Variants in KDM3B observed in about 807,000 individuals in gnomAD.
The protein encoded by KDM3B is lysine demethylase 3B.
In KDM3B, 10 loss-of-function variants were observed where a neutral mutation model predicts 170.0. The ratio of observed to expected loss-of-function variants is 0.06; its 90% CI spans 0.04 to 0.10. The LOEUF (loss-of-function observed/expected upper bound fraction) is 0.10. KDM3B is among the 10% of genes least tolerant of loss of function. The pLI is 1.00. For synonymous variants in KDM3B, 831 were observed against 834.8 expected (o/e 1.00, Z 0.08); for missense variants, 1,394 against 2,195.2 (o/e 0.64, Z 7.29).
At chr5:138,423,980 C>T in intron 15 of KDM3B, 95 bp from the exon 16 acceptor site, 1 of 1,280,780 alleles carries the variant, frequency 7.8e-7, no homozygotes, top group Non-Finnish European at 1.1e-6. Flanking sequence ...TCAGACAGGT[C>T]AGAACTCCTT....
At chr5:138,360,499 A>T (rs1211859139) in intron 1 of KDM3B, among the ~76,000 whole-genome samples, 1 of 147,148 alleles carries the variant, frequency 6.8e-6, no homozygotes, top group Non-Finnish European at 1.5e-5. Flanking sequence ...AGCACTTTGT[A>T]TAGTTGATTT....
chr5:138,375,365 TTTTATTTTA>T (rs1483756955), intron 3 of KDM3B, among the ~76,000 whole-genome samples, 159 bp downstream of exon 3: 1 of 151,822 alleles, frequency 6.6e-6, no homozygotes, highest in Admixed American at 6.6e-5. Flanking sequence ...TTTTATTTTA[TTTTATTTTA>T]TTTATTTATT....
intron 1 of KDM3B, among the ~76,000 whole-genome samples, chr5:138,364,683 G>A (rs998712523): frequency 6.6e-6 from 1 of 151,962 alleles, no homozygotes; most frequent in African/African-American, 2.4e-5. Flanking sequence ...CGCATTTAAA[G>A]TCTTTATTTC....
At chr5:138,365,178 C>T (rs555019178) in intron 1 of KDM3B, among the ~76,000 whole-genome samples, 29 of 152,176 alleles carry the variant, frequency 1.9e-4, no homozygotes, top group African/African-American at 7.0e-4. Context: ...TTTCCTTTAC[C>T]ATCTCACAAT....
Position 138,392,040 on chromosome 5 carries a change from G to T in KDM3B, c.2408G>T (p.Ser803Ile), listed in dbSNP as rs759464846. Residue 803 changes from serine (S) to isoleucine (I), a missense_variant, in exon 8 of 24, where the codon AGC (serine) becomes ATC (isoleucine). This residue lies in a region of KDM3B where 84 missense variants were observed against 135.8 expected (regional missense o/e 0.62). Coordinates refer to ENST00000314358, the MANE Select transcript of KDM3B (RefSeq NM_016604.4). ...AVKRFSLDER[S>I]LACRQDSDSS... ...AAAAGGTTCTCACTGGATGAACGAAGCTTGGCTTGCAGACAAGACTCGGAC... is the reference window on the plus strand; with the variant it reads ...AAAAGGTTCTCACTGGATGAACGAATCTTGGCTTGCAGACAAGACTCGGAC... The T allele has an allele frequency of 6.2e-7, 1 of 1,614,084 alleles. No individual in the cohort carries two copies. Among genetic ancestry groups the T allele is most frequent in the Non-Finnish European group, 8.5e-7 (1 of 1,179,896 alleles).
At chr5:138,357,745 G>A (rs990798110) in intron 1 of KDM3B, among the ~76,000 whole-genome samples, 4 of 151,420 alleles carry the variant, frequency 2.6e-5, no homozygotes, top group Non-Finnish European at 5.9e-5. Context: ...TTTTTGAGAC[G>A]GAGTCTCACT....
intron 1 of KDM3B, among the ~76,000 whole-genome samples, chr5:138,354,014 A>C (rs1761393869): frequency 6.6e-6 from 1 of 152,174 alleles, no homozygotes; most frequent in Admixed American, 6.5e-5. Context: ...AGCAAGCAGA[A>C]AGTAAATTTT....
At chr5:138,398,969 A>G (rs1252986195) in intron 10 of KDM3B, among the ~76,000 whole-genome samples, 1 of 148,592 alleles carries the variant, frequency 6.7e-6, no homozygotes, top group African/African-American at 2.5e-5. Context: ...GCTCACTGCA[A>G]CCTCCACCTC....
intron 1 of KDM3B, among the ~76,000 whole-genome samples, chr5:138,371,954 C>G (rs1325897452): frequency 6.6e-6 from 1 of 152,130 alleles, no homozygotes; most frequent in Non-Finnish European, 1.5e-5. Flanking sequence ...AACTGCGTCT[C>G]TACAAAAAAT....
chr5:138,424,009 C>A, intron 15 of KDM3B, 66 bp from the exon 16 acceptor site: 9 of 1,456,936 alleles, frequency 6.2e-6, no homozygotes, highest in Non-Finnish European at 7.3e-6. Context: ...AATTGTGAGA[C>A]AGTTTTTTGA....
At chr5:138,389,915 A>C (rs571268721) in intron 7 of KDM3B, among the ~76,000 whole-genome samples, 5 of 151,818 alleles carry the variant, frequency 3.3e-5, no homozygotes, top group Admixed American at 6.6e-5. Context: ...GCTGGAGTGC[A>C]GTGGCACGAT....
At chr5:138,401,259 A>C (rs1385471883) in intron 11 of KDM3B, among the ~76,000 whole-genome samples, 1 of 138,998 alleles carries the variant, frequency 7.2e-6, no homozygotes, top group Non-Finnish European at 1.6e-5. Flanking sequence ...CAACAGAGCA[A>C]GACTTCATCT....
At position 138,427,222 on chromosome 5, in the gene KDM3B, A is replaced by G. The variant is rs1204517622; in HGVS notation, c.4536A>G (p.Pro1512=). The change falls in exon 19 of 24, where the codon CCA becomes CCG. Residue 1512 remains proline (P), a synonymous_variant. Transcript: ENST00000314358. ...FEDLMENLPL[P]EYTKRDGRLN... is the part of the protein sequence containing the mutation. ...ATCTGATGGAGAACCTTCCTCTGCC[A>G]GAATATACCAAACGAGATGGCAGGC... 1.9e-6 allele frequency: 3 copies of G among 1,613,822 alleles called. No individual in the cohort carries two copies. The highest frequency in any genetic ancestry group is 2.5e-6 in the Non-Finnish European group (3 of 1,179,794).
At chr5:138,429,212 C>A (rs569832974) in intron 20 of KDM3B, among the ~76,000 whole-genome samples, 14 of 151,960 alleles carry the variant, frequency 9.2e-5, no homozygotes, top group Non-Finnish European at 1.8e-4. Context: ...CCACCATACT[C>A]GGCTAATTTT....
chr5:138,362,877 C>T (rs1251124112), intron 1 of KDM3B, among the ~76,000 whole-genome samples: 1 of 149,126 alleles, frequency 6.7e-6, no homozygotes, highest in Non-Finnish European at 1.5e-5. Flanking sequence ...TAATGCTATC[C>T]CTCCCCTCTC....
chr5:138,379,810 TC>T, intron 5 of KDM3B, 102 bp downstream of exon 5: 1 of 1,135,790 alleles, frequency 8.8e-7, no homozygotes, highest in East Asian at 2.6e-5. Flanking sequence ...TTGGGTTTCA[TC>T]CCTGGCTCTA....
chr5:138,410,304 C>T (rs75121359), intron 11 of KDM3B, among the ~76,000 whole-genome samples: 356 of 152,098 alleles, frequency 2.3e-3, no homozygotes, highest in African/African-American at 7.1e-3. Context: ...AGGACTTGTA[C>T]TACATTTCAA....
chr5:138,356,190 C>T (rs1202267638), intron 1 of KDM3B, among the ~76,000 whole-genome samples: 2 of 152,146 alleles, frequency 1.3e-5, no homozygotes, highest in African/African-American at 4.8e-5. Flanking sequence ...CATTAATATA[C>T]TTGTATACAT....
chr5:138,412,234 G>A (rs945010977), intron 11 of KDM3B, among the ~76,000 whole-genome samples: 2 of 151,660 alleles, frequency 1.3e-5, no homozygotes, highest in Non-Finnish European at 2.9e-5. Context: ...TGCTTGGGAG[G>A]CTGAGGCAGG....
Sources: allele counts gnomAD v4.1 joint callset (sites outside exome capture counted in the v4.1 genomes callset), GRCh38; gene constraint gnomAD v4.1.1; regional missense constraint gnomAD v4.1.1; transcripts MANE v1.5; gene names NCBI Gene and HGNC (gene_info 2026-07-23, HGNC 2026-07-21).